The following PRR33 variants were observed in gnomAD, a reference collection of about 807,000 sequenced individuals.
PRR33 encodes proline-rich protein 33.
Under a neutral mutation model 0.5 loss-of-function variants are expected in PRR33, and 1 was observed. The ratio of observed to expected loss-of-function variants is 2.18; its 90% CI spans 0.77 to 10.34. The LOEUF (loss-of-function observed/expected upper bound fraction) is 10.34, where lower values mean the gene tolerates loss of function less well. PRR33 is among the 30% of genes most tolerant of loss of function. PRR33 has a pLI of 0.13. For synonymous variants in PRR33, 226 were observed against 110.0 expected (o/e 2.06, Z -6.60); for missense variants, 552 against 251.8 (o/e 2.19, Z -8.07).
chr11:1,908,527 C>T, the PRR33 span, among the ~76,000 whole-genome samples: 3 of 151,990 alleles, frequency 2.0e-5, no homozygotes, highest in African/African-American at 7.3e-5. Context: ...AGAGGACCGT[C>T]GCTAAGTACT....
the PRR33 span, among the ~76,000 whole-genome samples, chr11:1,905,966 A>C: frequency 1.3e-5 from 2 of 149,202 alleles, no homozygotes; most frequent in Admixed American, 1.3e-4. Flanking sequence ...CTACTGGCAC[A>C]TGCCACCACG....
At chr11:1,915,194 TTC>T in the PRR33 span, among the ~76,000 whole-genome samples, 1 of 133,602 alleles carries the variant, frequency 7.5e-6, no homozygotes, top group Non-Finnish European at 1.6e-5. Context: ...GGGATGATGT[TTC>T]TCTGTGTGTG....
exon 1 of PRR33, chr11:1,890,349 G>A (rs1192154812): frequency 2.4e-5 from 17 of 715,786 alleles, no homozygotes; most frequent in Admixed American, 1.0e-4. Context: ...GTGCGGGGCT[G>A]TGACCTCCTG....
upstream of PRR33, among the ~76,000 whole-genome samples, chr11:1,895,817 ACAGTTGTG>A (rs1299179126): frequency 6.6e-6 from 1 of 152,178 alleles, no homozygotes; most frequent in Non-Finnish European, 1.5e-5. Context: ...TGAAGAAGCT[ACAGTTGTG>A]CACCGAGTCG....
At chr11:1,917,252 G>T in the PRR33 span, among the ~76,000 whole-genome samples, 4 of 152,092 alleles carry the variant, frequency 2.6e-5, no homozygotes, top group African/African-American at 9.7e-5. Flanking sequence ...GGACCCTCTT[G>T]GTCTCCACCA....
exon 1 of PRR33, chr11:1,888,894 T>G: frequency 2.3e-6 from 1 of 425,542 alleles, no homozygotes; most frequent in East Asian, 3.6e-5. Context: ...CGCAGACCCC[T>G]TCTCTGTTCC....
At chr11:1,894,570 T>G (rs958725097), upstream of PRR33, among the ~76,000 whole-genome samples, 2 of 152,182 alleles carry the variant, frequency 1.3e-5, no homozygotes, top group African/African-American at 4.8e-5. Flanking sequence ...ATAAATGGCA[T>G]CCTGCAGCAC....
the PRR33 span, among the ~76,000 whole-genome samples, chr11:1,910,940 A>G: frequency 6.6e-6 from 1 of 151,990 alleles, no homozygotes; most frequent in Admixed American, 6.6e-5. Flanking sequence ...ATGGTGTCCT[A>G]CCTTCTTTTT....
At chr11:1,903,423 G>C in the PRR33 span, among the ~76,000 whole-genome samples, 1 of 152,186 alleles carries the variant, frequency 6.6e-6, no homozygotes, top group African/African-American at 2.4e-5. Context: ...TGGAATTACA[G>C]GCATGGGCCA....
exon 1 of PRR33, chr11:1,889,881 A>G: frequency 1.6e-6 from 1 of 628,934 alleles, no homozygotes; most frequent in Non-Finnish European, 2.9e-6. Context: ...GGCAGCCTGG[A>G]CTGTGGTGGG....
At chr11:1,898,754 C>T in the PRR33 span, among the ~76,000 whole-genome samples, 4 of 152,026 alleles carry the variant, frequency 2.6e-5, no homozygotes, top group Admixed American at 2.6e-4. Flanking sequence ...GCCTGTAATC[C>T]CAACACTTTG....
exon 1 of PRR33, chr11:1,890,432 C>T (rs1178442056): frequency 7.0e-6 from 5 of 717,146 alleles, no homozygotes; most frequent in Non-Finnish European, 1.3e-5. Context: ...GTGTGCCTCC[C>T]ATCATCTTCT....
the PRR33 span, among the ~76,000 whole-genome samples, chr11:1,906,653 A>T: frequency 1.1e-4 from 16 of 152,186 alleles, no homozygotes; most frequent in African/African-American, 3.6e-4. Context: ...ACTATTCCCC[A>T]CTATGGAGGC....
At chr11:1,907,749 G>C in the PRR33 span, 1 of 151,584 alleles carries the variant, frequency 6.6e-6, no homozygotes, top group Non-Finnish European at 1.5e-5. Context: ...TTTTTCACAT[G>C]TCGTAGCCTC....
At chr11:1,895,162 T>C (rs1849110057), upstream of PRR33, among the ~76,000 whole-genome samples, 1 of 152,096 alleles carries the variant, frequency 6.6e-6, no homozygotes, top group African/African-American at 2.4e-5. Context: ...GATGGAGTTT[T>C]GCTCTTGTTG....
At chr11:1,909,786 AAAGAAGAAGAAG>A in the PRR33 span, among the ~76,000 whole-genome samples, 1 of 151,832 alleles carries the variant, frequency 6.6e-6, no homozygotes, top group East Asian at 1.9e-4. Flanking sequence ...TCTGAGAAAA[AAAGAAGAAGAAG>A]AAGAAGAAGA....
At chr11:1,913,886 G>A in the PRR33 span, among the ~76,000 whole-genome samples, 2 of 152,328 alleles carry the variant, frequency 1.3e-5, no homozygotes, top group South Asian at 2.1e-4. Flanking sequence ...ATGCTGCCAC[G>A]GGCTCCCACT....
At chr11:1,894,867 G>A (rs1225631770), upstream of PRR33, among the ~76,000 whole-genome samples, 1 of 152,338 alleles carries the variant, frequency 6.6e-6, no homozygotes, top group Admixed American at 6.5e-5. Flanking sequence ...GGAGGTGTGT[G>A]TGAAACTTGT....
upstream of PRR33, among the ~76,000 whole-genome samples, chr11:1,893,846 T>C (rs1288038019): frequency 6.9e-6 from 1 of 145,828 alleles, no homozygotes; most frequent in African/African-American, 2.6e-5. Context: ...GATGAAAGGA[T>C]GGATGAAAGG....
Sources: gnomAD v4.1 joint callset for allele counts (sites outside exome capture counted in the v4.1 genomes callset) on GRCh38, gnomAD v4.1.1 for gene constraint, MANE v1.5 for transcripts, NCBI Gene and HGNC (gene_info 2026-07-23, HGNC 2026-07-21) for gene names.